NKAIN2: variants seen among roughly 807,000 people sequenced by gnomAD.
The protein encoded by NKAIN2 is sodium/potassium transporting ATPase interacting 2.
In NKAIN2, 14 loss-of-function variants were observed where a neutral mutation model predicts 32.6. That is an observed-to-expected ratio of 0.43 (90% CI 0.28 to 0.67). The LOEUF (loss-of-function observed/expected upper bound fraction) is 0.67. NKAIN2 is among the 30% of genes least tolerant of loss of function. NKAIN2 has a pLI of 0.17. For synonymous variants in NKAIN2, 80 were observed against 87.2 expected (o/e 0.92, Z 0.46); for missense variants, 198 against 258.3 (o/e 0.77, Z 1.60).
At chr6:124,022,521 A>C (rs973775411) in intron 1 of NKAIN2, among the ~76,000 whole-genome samples, 10 of 152,204 alleles carry the variant, frequency 6.6e-5, no homozygotes, top group Non-Finnish European at 1.2e-4. Context: ...ACAGTGTAAA[A>C]GTGTTCCTAT....
At chr6:124,456,511 T>A (rs1179955436) in intron 3 of NKAIN2, among the ~76,000 whole-genome samples, 4 of 151,950 alleles carry the variant, frequency 2.6e-5, no homozygotes, top group Admixed American at 1.3e-4. Context: ...AGTTTATCAT[T>A]CCTTTAATTT....
Position 124,547,273 on chromosome 6 carries a change from C to T in NKAIN2, c.274-110913C>T, listed in dbSNP as rs938598503. Among the ~76,000 whole-genome samples, 51 of 152,014 alleles carry T rather than the reference C, an allele frequency of 3.4e-4. 1 individual carries two copies. The highest frequency in any genetic ancestry group is 1.2e-3 in the African/African-American group (50 of 41,484). ...ATGCTATAAACTGTTAAAATATCAC[C>T]AGGTTTTTTTTTTAGCCTTTGCTAA... On this transcript the variant is annotated intron_variant, in intron 3 of 6. Transcript: ENST00000368417.
intron 1 of NKAIN2, among the ~76,000 whole-genome samples, chr6:124,157,265 A>G (rs1454336070): frequency 6.5e-5 from 4 of 61,508 alleles, no homozygotes; most frequent in Admixed American, 6.0e-4. Flanking sequence ...ACACACACAC[A>G]CATACACACA....
At chr6:123,861,140 A>T (rs1024608258) in intron 1 of NKAIN2, among the ~76,000 whole-genome samples, 1 of 152,180 alleles carries the variant, frequency 6.6e-6, no homozygotes, top group African/African-American at 2.4e-5. Flanking sequence ...ATGGCTTCCA[A>T]TGAGTGCTTA....
chr6:124,512,498 C>G (rs1778752034), intron 3 of NKAIN2, among the ~76,000 whole-genome samples: 1 of 152,048 alleles, frequency 6.6e-6, no homozygotes, highest in Non-Finnish European at 1.5e-5. Flanking sequence ...GAACAGAAAA[C>G]CAACCATGAG....
intron 1 of NKAIN2, among the ~76,000 whole-genome samples, chr6:124,152,205 A>G (rs1218404772): frequency 3.3e-5 from 5 of 151,892 alleles, no homozygotes; most frequent in Non-Finnish European, 7.4e-5. Flanking sequence ...ATATTGAAAA[A>G]ACCCCTCTTT....
rs562089690 is a variant in NKAIN2, at chr6:124,532,842, T to C, written c.274-125344T>C. Among the ~76,000 whole-genome samples the C allele has an allele frequency of 1.1e-4, 16 of 152,336 alleles. No individual in the cohort carries two copies. The East Asian group carries it at 2.3e-3, about 22-fold the overall frequency. Reference sequence around the variant, plus strand: ...GTGCTTGGGGGAAATCCTCTGATGCTGTGTTCCTGCTGTTCCTCACCTGGG... The same window carrying C: ...GTGCTTGGGGGAAATCCTCTGATGCCGTGTTCCTGCTGTTCCTCACCTGGG... On this transcript the variant is annotated intron_variant, in intron 3 of 6. Transcript: ENST00000368417.
chr6:124,557,775 T>G (rs151134310), intron 3 of NKAIN2, among the ~76,000 whole-genome samples: 1 of 152,244 alleles, frequency 6.6e-6, no homozygotes, highest in Non-Finnish European at 1.5e-5. Context: ...TGTTCTTTCC[T>G]GTACAATTGG....
intron 1 of NKAIN2, among the ~76,000 whole-genome samples, chr6:124,179,539 G>A (rs1789331397): frequency 6.6e-6 from 1 of 152,152 alleles, no homozygotes; most frequent in African/African-American, 2.4e-5. Flanking sequence ...AAGAACCAGA[G>A]AAGTTACAAA....
intron 1 of NKAIN2, among the ~76,000 whole-genome samples, chr6:124,270,018 C>A (rs1157407541): frequency 2.6e-5 from 4 of 152,174 alleles, no homozygotes; most frequent in Non-Finnish European, 4.4e-5. Flanking sequence ...GTCCTGAAAC[C>A]TCTGCTGATG....
intron 1 of NKAIN2, among the ~76,000 whole-genome samples, chr6:123,866,710 G>A (rs1484793385): frequency 1.3e-5 from 2 of 152,152 alleles, no homozygotes; most frequent in East Asian, 1.9e-4. Context: ...GATTACAGGC[G>A]TGAGCCACCG....
intron 1 of NKAIN2, among the ~76,000 whole-genome samples, chr6:124,130,960 C>T (rs1786443626): frequency 6.6e-6 from 1 of 152,194 alleles, no homozygotes; most frequent in South Asian, 2.1e-4. Context: ...CAACACTGCG[C>T]AGTCCTGTCT....
intron 1 of NKAIN2, among the ~76,000 whole-genome samples, chr6:123,811,238 A>T (rs1773450515): frequency 6.6e-6 from 1 of 152,116 alleles, no homozygotes; most frequent in African/African-American, 2.4e-5. Context: ...TCAGAAGTTT[A>T]AATAGGAGAA....
chr6:124,240,664 A>G (rs1401315851), intron 1 of NKAIN2, among the ~76,000 whole-genome samples: 1 of 152,172 alleles, frequency 6.6e-6, no homozygotes, highest in African/African-American at 2.4e-5. Context: ...ATCTCAATAG[A>G]TGCAGAAAAG....
At chr6:124,360,710 A>G (rs1013979658) in intron 3 of NKAIN2, among the ~76,000 whole-genome samples, 1 of 152,194 alleles carries the variant, frequency 6.6e-6, no homozygotes, top group Non-Finnish European at 1.5e-5. Context: ...ATAGGAGCAA[A>G]TAAACATACA....
chr6:124,268,813 T>C (rs186681424), intron 1 of NKAIN2, among the ~76,000 whole-genome samples: 1 of 152,168 alleles, frequency 6.6e-6, no homozygotes, highest in East Asian at 1.9e-4. Context: ...ATGTTCAAAC[T>C]TTGGGCTCTA....
intron 5 of NKAIN2, chr6:124,794,978 C>A: frequency 4.7e-6 from 1 of 211,772 alleles, no homozygotes; most frequent in Non-Finnish European, 8.2e-6. Flanking sequence ...TAAAACCACT[C>A]TCAAGCAAAC....
chr6:124,564,596 C>G (rs1231981699), intron 3 of NKAIN2, among the ~76,000 whole-genome samples: 1 of 152,178 alleles, frequency 6.6e-6, no homozygotes, highest in African/African-American at 2.4e-5. Flanking sequence ...CTCTTTGTGT[C>G]CTTGCCACTT....
chr6:124,565,285 G>A (rs73569256), intron 3 of NKAIN2, among the ~76,000 whole-genome samples: 15,572 of 152,202 alleles, frequency 0.1, 841 homozygotes, highest in East Asian at 0.16. Context: ...CAACCACAAT[G>A]TCAGTGCATT....
Sources: gnomAD v4.1 joint callset for allele counts (sites outside exome capture counted in the v4.1 genomes callset) on GRCh38, gnomAD v4.1.1 for gene constraint, MANE v1.5 for transcripts, NCBI Gene and HGNC (gene_info 2026-07-23, HGNC 2026-07-21) for gene names.